The following LRRC7 variants were observed in gnomAD, a reference collection of about 807,000 sequenced individuals.
The protein encoded by LRRC7 is leucine rich repeat containing 7.
A neutral mutation model predicts 175.7 loss-of-function variants in LRRC7; 23 were observed. That is an observed-to-expected ratio of 0.13 (90% CI 0.09 to 0.19). The LOEUF (loss-of-function observed/expected upper bound fraction) is 0.19, where lower values mean the gene tolerates loss of function less well. LRRC7 is among the 10% of genes least tolerant of loss of function. The pLI is 1.00. For synonymous variants in LRRC7, 685 were observed against 680.9 expected, an observed-to-expected ratio of 1.01 and a Z score of -0.09; for missense variants, 1,354 against 1,904.7, an observed-to-expected ratio of 0.71 and a Z score of 5.38.
At chr1:69,705,507 G>A (rs1168192586) in intron 2 of LRRC7, among the ~76,000 whole-genome samples, 1 of 152,120 alleles carries the variant, frequency 6.6e-6, no homozygotes, top group African/African-American at 2.4e-5. Context: ...GCAATCCAGG[G>A]CATACACACA....
intron 1 of LRRC7, among the ~76,000 whole-genome samples, chr1:69,675,421 T>G (rs1346640375): frequency 6.6e-6 from 1 of 152,172 alleles, no homozygotes; most frequent in Non-Finnish European, 1.5e-5. Flanking sequence ...AATAGCCTAT[T>G]CAAGAGAGTA....
chr1:69,631,807 G>A (rs1652548819), intron 1 of LRRC7, among the ~76,000 whole-genome samples: 1 of 152,074 alleles, frequency 6.6e-6, no homozygotes, highest in Non-Finnish European at 1.5e-5. Context: ...CTGGCTGCTT[G>A]ATAAACTCAA....
At chr1:69,880,619 G>C (rs548238272) in intron 7 of LRRC7, among the ~76,000 whole-genome samples, 128 of 152,046 alleles carry the variant, frequency 8.4e-4, no homozygotes, top group Non-Finnish European at 1.7e-3. Context: ...ACGAAGGACA[G>C]GGAGACCAGC....
chr1:70,080,485 G>A (rs1045100829), intron 24 of LRRC7, among the ~76,000 whole-genome samples: 2 of 152,018 alleles, frequency 1.3e-5, no homozygotes, highest in African/African-American at 4.8e-5. Context: ...ACAATAAAAA[G>A]GACAAAATAT....
At chr1:69,870,740 C>T (rs1685447278) in intron 7 of LRRC7, among the ~76,000 whole-genome samples, 1 of 152,070 alleles carries the variant, frequency 6.6e-6, no homozygotes, top group South Asian at 2.1e-4. Context: ...ATTCTCCCAA[C>T]ATTCTATCAC....
chr1:69,899,438 TAAA>T (rs1231007061), intron 7 of LRRC7, among the ~76,000 whole-genome samples: 1 of 152,104 alleles, frequency 6.6e-6, no homozygotes, highest in African/African-American at 2.4e-5. Context: ...AGGGAGCCAA[TAAA>T]AAGAAAAAAT....
chr1:69,923,645 T>C (rs1189439172), intron 7 of LRRC7, among the ~76,000 whole-genome samples: 1 of 152,160 alleles, frequency 6.6e-6, no homozygotes, highest in South Asian at 2.1e-4. Context: ...TTTTTGATGG[T>C]GTTATTTGTT....
intron 4 of LRRC7, among the ~76,000 whole-genome samples, chr1:69,824,539 G>C (rs1207731315): frequency 6.6e-6 from 1 of 152,028 alleles, no homozygotes; most frequent in Non-Finnish European, 1.5e-5. Context: ...TTTAAATAGA[G>C]AGAAATGGCG....
At chr1:69,726,514 C>A (rs1231268696) in intron 2 of LRRC7, among the ~76,000 whole-genome samples, 3 of 152,092 alleles carry the variant, frequency 2.0e-5, no homozygotes, top group Non-Finnish European at 4.4e-5. Context: ...GAGAGAATGG[C>A]TACCAGGAAC....
chr1:70,096,081 G>T (rs989275635), intron 25 of LRRC7, among the ~76,000 whole-genome samples: 1 of 151,906 alleles, frequency 6.6e-6, no homozygotes, highest in Non-Finnish European at 1.5e-5. Context: ...GGGTTCAAGC[G>T]ATTCTCCTGC....
chr1:70,114,134 A>G (rs656448), intron 26 of LRRC7, among the ~76,000 whole-genome samples: 114,150 of 152,068 alleles, frequency 0.75, 43,184 homozygotes, highest in African/African-American at 0.85. Flanking sequence ...AAAAAATAAA[A>G]TATTTAAAAA....
At chr1:70,061,241 A>C (rs745849903) in intron 23 of LRRC7, among the ~76,000 whole-genome samples, 1 of 152,174 alleles carries the variant, frequency 6.6e-6, no homozygotes, top group African/African-American at 2.4e-5. Context: ...CCTAAAACTC[A>C]GAAACAAATT....
chr1:69,879,227 AAAAAAAAAAG>A (rs1259161890), intron 7 of LRRC7, among the ~76,000 whole-genome samples: 1 of 148,240 alleles, frequency 6.7e-6, no homozygotes, highest in Admixed American at 6.7e-5. Flanking sequence ...AAAAAAAAAA[AAAAAAAAAAG>A]ACTGCGCACT....
intron 1 of LRRC7, among the ~76,000 whole-genome samples, chr1:69,600,800 C>CTTTTTTTTTTTTTTTTTTTT (rs59212223): frequency 1.5e-5 from 1 of 64,896 alleles, no homozygotes; most frequent in Non-Finnish European, 2.8e-5. Flanking sequence ...TCTCTGGTTT[C>CTTTTTTTTTTTTTTTTTTTT]TTTTTTTTTT....
intron 8 of LRRC7, among the ~76,000 whole-genome samples, chr1:69,951,386 C>T (rs1649909713): frequency 6.6e-6 from 1 of 151,994 alleles, no homozygotes; most frequent in Non-Finnish European, 1.5e-5. Context: ...ATCACAAGTC[C>T]TCAAAGAGGT....
intron 21 of LRRC7, among the ~76,000 whole-genome samples, chr1:70,042,458 C>G (rs536293338): frequency 1.3e-5 from 2 of 152,286 alleles, no homozygotes; most frequent in East Asian, 3.9e-4. Context: ...TGCCTAGAGT[C>G]TTGGACATTG....
chr1:69,839,348 G>A (rs527539125), intron 7 of LRRC7, among the ~76,000 whole-genome samples: 8 of 152,152 alleles, frequency 5.3e-5, no homozygotes, highest in African/African-American at 1.9e-4. Flanking sequence ...TCCTCCATAA[G>A]AGAAGACAAG....
intron 2 of LRRC7, among the ~76,000 whole-genome samples, chr1:69,756,435 A>G (rs1340627578): frequency 2.0e-5 from 3 of 151,834 alleles, no homozygotes; most frequent in East Asian, 1.9e-4. Context: ...TCAAGTGCCT[A>G]GTATGATAGA....
intron 15 of LRRC7, among the ~76,000 whole-genome samples, chr1:70,019,798 A>G (rs1657291908): frequency 6.6e-6 from 1 of 151,936 alleles, no homozygotes; most frequent in South Asian, 2.1e-4. Flanking sequence ...TAAAAGAAAA[A>G]CCACCATGTT....
Sources: gnomAD v4.1 joint callset for allele counts (sites outside exome capture counted in the v4.1 genomes callset) on GRCh38, gnomAD v4.1.1 for gene constraint, MANE v1.5 for transcripts, NCBI Gene and HGNC (gene_info 2026-07-23, HGNC 2026-07-21) for gene names.